PUDP: variants seen among roughly 807,000 people sequenced by gnomAD.
PUDP encodes pseudouridine 5'-phosphatase.
In PUDP, 8 loss-of-function variants were observed where a neutral mutation model predicts 9.4. The ratio of observed to expected loss-of-function variants is 0.85; its 90% CI spans 0.50 to 1.53. The LOEUF (loss-of-function observed/expected upper bound fraction) is 1.53, where lower values mean the gene tolerates loss of function less well. Among genes scored for constraint, PUDP ranks in the 40% most tolerant of loss-of-function variants. PUDP has a pLI of 0.00. For missense variants in PUDP, 188 were observed against 189.7 expected (o/e 0.99, Z 0.05); for synonymous variants, 99 against 80.7 (o/e 1.23, Z -1.22).
At chrX:7,095,989 T>C (rs2146887562) in intron 2 of PUDP, among the ~76,000 whole-genome samples, 1 of 112,035 alleles carries the variant, frequency 8.9e-6, no homozygotes, top group African/African-American at 3.2e-5. Flanking sequence ...CAGCACAGCT[T>C]GCCTGCTGAG....
intron 3 of PUDP, among the ~76,000 whole-genome samples, chrX:7,072,437 A>T (rs1469819605): frequency 2.7e-5 from 3 of 112,229 alleles, no homozygotes; most frequent in Admixed American, 1.9e-4. Flanking sequence ...TAATTTTTTT[A>T]AAACCTGAAA....
Position 6,811,876 on chromosome X carries a change from T to A in PUDP, c.*248-105410A>T, listed in dbSNP as rs937378141. Among the ~76,000 whole-genome samples the A allele has an allele frequency of 3.6e-5, 4 of 112,082 alleles. No individual in the cohort carries two copies. The Admixed American group carries it at 3.8e-4, about 11-fold the overall frequency. ...CATCTCCATTTTAAGTGCAAATATA[T>A]GCTGGGCCCCGAAGGGGCTGCCATA... On this transcript the variant is annotated intron_variant and NMD_transcript_variant, in intron 3 of 3. Transcript: ENST00000655425.
At chrX:6,733,808 C>G (rs935259683) in intron 3 of PUDP, among the ~76,000 whole-genome samples, 2 of 73,718 alleles carry the variant, frequency 2.7e-5, no homozygotes, top group South Asian at 2.4e-3. Flanking sequence ...GATGGAATCT[C>G]GCTCTGTTGC....
At chrX:7,031,405 T>G (rs1027858086) in intron 1 of PUDP, among the ~76,000 whole-genome samples, 1 of 111,604 alleles carries the variant, frequency 9.0e-6, no homozygotes, top group Non-Finnish European at 1.9e-5. Flanking sequence ...TCTCTGGGTA[T>G]AAAGAAAGTC....
At chrX:7,069,368 C>T (rs1054878005) in intron 3 of PUDP, among the ~76,000 whole-genome samples, 1 of 111,031 alleles carries the variant, frequency 9.0e-6, no homozygotes, top group African/African-American at 3.3e-5. Context: ...AGCAAGATGC[C>T]CCAAGGCTAG....
intron 2 of PUDP, among the ~76,000 whole-genome samples, chrX:7,094,184 G>C (rs766219393): frequency 1.8e-5 from 2 of 110,547 alleles, no homozygotes; most frequent in Non-Finnish European, 3.8e-5. Flanking sequence ...CTCCACATGC[G>C]CAGTGAGGTA....
chrX:6,725,126 C>T (rs1226541850), upstream of PUDP, among the ~76,000 whole-genome samples: 7 of 111,520 alleles, frequency 6.3e-5, no homozygotes, highest in African/African-American at 2.3e-4. Context: ...TGTGTTTCCT[C>T]CCCAAGGATG....
chrX:6,737,038 C>T (rs1924880899), intron 3 of PUDP, among the ~76,000 whole-genome samples: 1 of 111,386 alleles, frequency 9.0e-6, no homozygotes, highest in Non-Finnish European at 1.9e-5. Context: ...AGAGAGACAT[C>T]TGTCACACAC....
At chrX:6,970,503 G>C (rs1928857374) in intron 3 of PUDP, among the ~76,000 whole-genome samples, 1 of 111,221 alleles carries the variant, frequency 9.0e-6, no homozygotes, top group Non-Finnish European at 1.9e-5. Context: ...GTAGGACCTG[G>C]CGGTACGCAG....
At chrX:7,088,911 CTGATCCA>C (rs1399908215) in intron 2 of PUDP, among the ~76,000 whole-genome samples, 1 of 112,241 alleles carries the variant, frequency 8.9e-6, no homozygotes, top group Non-Finnish European at 1.9e-5. Context: ...ACGTTGGCTA[CTGATCCA>C]TGATCCTTGC....
At chrX:7,096,206 A>C (rs1278182731) in intron 2 of PUDP, among the ~76,000 whole-genome samples, 2 of 112,108 alleles carry the variant, frequency 1.8e-5, no homozygotes, top group African/African-American at 6.5e-5. Context: ...CAAAAAAAAA[A>C]AATTGACTAA....
upstream of PUDP, among the ~76,000 whole-genome samples, chrX:6,726,312 G>A (rs1298654965): frequency 9.0e-6 from 1 of 111,532 alleles, no homozygotes; most frequent in Non-Finnish European, 1.9e-5. Flanking sequence ...GTTGGTTAAC[G>A]GATATGAACT....
chrX:6,736,207 T>A (rs1924870598), intron 3 of PUDP, among the ~76,000 whole-genome samples: 1 of 111,389 alleles, frequency 9.0e-6, no homozygotes, highest in African/African-American at 3.3e-5. Context: ...AGTGAAAGAA[T>A]AAGAAAAAAT....
At chrX:7,056,128 C>T (rs1930235668) in intron 3 of PUDP, among the ~76,000 whole-genome samples, 1 of 112,410 alleles carries the variant, frequency 8.9e-6, no homozygotes, top group Non-Finnish European at 1.9e-5. Flanking sequence ...ATCATGGATT[C>T]GTATGTTTGC....
chrX:7,082,813 T>A (rs1383209404), intron 2 of PUDP, among the ~76,000 whole-genome samples: 1 of 112,788 alleles, frequency 8.9e-6, no homozygotes, highest in African/African-American at 3.2e-5. Context: ...GGGGCTACTT[T>A]TGCAACTGCC....
intron 3 of PUDP, among the ~76,000 whole-genome samples, chrX:6,858,335 C>CT (rs113300792): frequency 0.18 from 11,988 of 67,619 alleles, 840 homozygotes; most frequent in Middle Eastern, 0.22. Context: ...TTTTTTTTTT[C>CT]TTTTTTTTTT....
chrX:7,114,221 C>T (rs1225769400), intron 1 of PUDP, among the ~76,000 whole-genome samples: 2 of 111,409 alleles, frequency 1.8e-5, no homozygotes, highest in Non-Finnish European at 3.8e-5. Flanking sequence ...ATTACAAGTG[C>T]ACACCACCAT....
chrX:7,095,753 G>T (rs1457299768), intron 2 of PUDP, among the ~76,000 whole-genome samples: 1 of 112,501 alleles, frequency 8.9e-6, no homozygotes, highest in Non-Finnish European at 1.9e-5. Flanking sequence ...GATTATCAGA[G>T]CGGCCTATAA....
At chrX:6,750,983 C>G (rs766216308) in intron 3 of PUDP, among the ~76,000 whole-genome samples, 20 of 109,907 alleles carry the variant, frequency 1.8e-4, no homozygotes, top group South Asian at 4.0e-4. Flanking sequence ...AGCAAAAATA[C>G]AAAAGGAAAT....
Sources: allele counts gnomAD v4.1 joint callset (sites outside exome capture counted in the v4.1 genomes callset), GRCh38; gene constraint gnomAD v4.1.1; transcripts MANE v1.5; gene names NCBI Gene and HGNC (gene_info 2026-07-23, HGNC 2026-07-21).